Variants in BOC observed in about 807,000 individuals in gnomAD.
BOC encodes BOC cell adhesion associated, oncogene regulated, also known as brother of CDO.
Under a neutral mutation model 112.0 loss-of-function variants are expected in BOC, and 76 were observed. The ratio of observed to expected loss-of-function variants is 0.68; its 90% confidence interval spans 0.56 to 0.82. The LOEUF is 0.82. Among genes scored for constraint, BOC ranks in the 40% least tolerant of loss-of-function variants. The pLI, the probability that BOC is intolerant of heterozygous loss-of-function variation, is 0.00. For synonymous variants in BOC, 580 were observed against 599.8 expected (o/e 0.97, Z 0.48); for missense variants, 1,309 against 1,511.7 (o/e 0.87, Z 2.22).
chr3:113,247,886 C>T (rs1266102413), intron 2 of BOC, among the ~76,000 whole-genome samples: 3 of 152,214 alleles, frequency 2.0e-5, no homozygotes, highest in Non-Finnish European at 2.9e-5. Flanking sequence ...TCTACACCAA[C>T]GGGAAATTAT....
chr3:113,220,712 G>C (rs867528886), intron 2 of BOC, among the ~76,000 whole-genome samples: 1 of 152,174 alleles, frequency 6.6e-6, no homozygotes. Context: ...CATTTTGGTC[G>C]TGTTGTCAGA....
At chr3:113,220,477 C>T (rs1940396278) in intron 2 of BOC, among the ~76,000 whole-genome samples, 3 of 152,218 alleles carry the variant, frequency 2.0e-5, no homozygotes, top group Non-Finnish European at 2.9e-5. Context: ...GCTGCCTACT[C>T]GAACATTATG....
At position 113,272,977 on chromosome 3, in the gene BOC, G is replaced by A. The variant is rs1948293025; in HGVS notation, c.962-92G>A. On this transcript the variant is annotated intron_variant, in intron 7 of 19. Coordinates refer to ENST00000682979, the MANE Select transcript of BOC (RefSeq NM_001378074.1). ...AGGAAAAAGCAACAGCCAAAGGGCA[G>A]GGGAGCTGCTCCTAACTACATCCCT... The A allele has an allele frequency of 2.0e-6, 3 of 1,466,766 alleles. 1 individual carries two copies. In the Admixed American group the frequency reaches 6.1e-5, roughly 30 times the overall value. 90.9% of individuals were successfully genotyped at this position (1,466,766 alleles called of 1,614,324 possible).
chr3:113,224,570 G>A (rs964441118), intron 2 of BOC, among the ~76,000 whole-genome samples: 2 of 151,954 alleles, frequency 1.3e-5, no homozygotes, highest in Non-Finnish European at 2.9e-5. Flanking sequence ...TGGAGGGGGT[G>A]GGGGTGGGGG....
Position 113,279,290 on chromosome 3 carries a change from G to A in BOC, c.1858G>A (p.Glu620Lys), listed in dbSNP as rs766270235. Residue 620 changes from glutamate (E) to lysine (K), a missense_variant, in exon 12 of 20, where the codon GAG (glutamate) becomes AAG (lysine). Glu to Lys is a moderately conservative substitution (Grantham distance 56). Coordinates refer to ENST00000682979, the MANE Select transcript of BOC (RefSeq NM_001378074.1). ...PDRPTISTAS[E>K]TSVYVTWIPR... ...CAGGCCCACCATCTCCACGGCCTCC[G>A]AGACCTCAGTGTACGTGACCTGGAT... 5.6e-6 allele frequency: 9 copies of A among 1,613,994 alleles called. No individual in the cohort carries two copies. The highest frequency in any genetic ancestry group is 2.2e-5 in the East Asian group (1 of 44,878).
intron 2 of BOC, among the ~76,000 whole-genome samples, chr3:113,229,486 C>T (rs959683651): frequency 3.3e-5 from 5 of 152,202 alleles, no homozygotes; most frequent in Non-Finnish European, 7.3e-5. Flanking sequence ...CAGCAGCAGC[C>T]ACTATGGCTC....
At chr3:113,218,130 A>T (rs1939830537) in intron 2 of BOC, among the ~76,000 whole-genome samples, 1 of 152,188 alleles carries the variant, frequency 6.6e-6, no homozygotes, top group Non-Finnish European at 1.5e-5. Flanking sequence ...AGCACACAGG[A>T]TGGGAGCTAC....
intron 4 of BOC, among the ~76,000 whole-genome samples, chr3:113,265,404 C>T (rs1034419838): frequency 6.6e-6 from 1 of 151,780 alleles, no homozygotes; most frequent in Non-Finnish European, 1.5e-5. Context: ...GGGACTTATT[C>T]GACCATGGAG....
At position 113,286,781 on chromosome 3, in the gene BOC, C is replaced by T. The variant is rs753735134; in HGVS notation, c.3267C>T (p.Tyr1089=). 5.4e-5 allele frequency: 87 copies of T among 1,613,594 alleles called. 1 individual carries two copies. The South Asian group carries it at 7.9e-4, about 15-fold the overall frequency. The part of the protein sequence containing the change: ...DWCPQHPVGA[Y]VGQEPGMQLS... ...GTCCCCAGCACCCCGTAGGGGCCTACGTAGGACAGGAACCTGGAATGCAGC... is the reference window on the plus strand; with the variant it reads ...GTCCCCAGCACCCCGTAGGGGCCTATGTAGGACAGGAACCTGGAATGCAGC... Residue 1089 remains tyrosine, a synonymous_variant, in exon 20 of 20, where the codon TAC becomes TAT. Transcript: ENST00000682979.
At chr3:113,213,043 G>A (rs942553914) in intron 1 of BOC, among the ~76,000 whole-genome samples, 1 of 152,160 alleles carries the variant, frequency 6.6e-6, no homozygotes, top group Non-Finnish European at 1.5e-5. Context: ...TTGGGGATGG[G>A]GGTGGCAGTG....
chr3:113,260,261 T>A (rs1049297709), intron 4 of BOC, among the ~76,000 whole-genome samples: 1 of 152,190 alleles, frequency 6.6e-6, no homozygotes, highest in African/African-American at 2.4e-5. Flanking sequence ...AAATTAACAA[T>A]TTCTGAATTT....
Position 113,285,200 on chromosome 3 carries a change from G to A in BOC, c.2967-172G>A, listed in dbSNP as rs570451028. The stretch of plus-strand genomic sequence containing the variant: ...AAATGGAAATGGACTAGAATGATCA[G>A]TGGGAATGATGGTGTGGTACCTCTT... On this transcript the variant is annotated intron_variant, in intron 18 of 19. Coordinates refer to ENST00000682979, the MANE Select transcript of BOC (RefSeq NM_001378074.1). Among the ~76,000 whole-genome samples the A allele has an allele frequency of 1.4e-3, 215 of 152,374 alleles. 1 individual carries two copies. The highest frequency in any genetic ancestry group is 4.0e-3 in the Admixed American group (61 of 15,310).
chr3:113,268,924 T>C (rs1947812221), intron 5 of BOC, among the ~76,000 whole-genome samples: 1 of 152,232 alleles, frequency 6.6e-6, no homozygotes, highest in Non-Finnish European at 1.5e-5. Context: ...TTTGGTCCTG[T>C]AGGGTCCCAA....
At chr3:113,236,230 G>A (rs918736484) in intron 2 of BOC, among the ~76,000 whole-genome samples, 1 of 46,600 alleles carries the variant, frequency 2.1e-5, no homozygotes, top group Non-Finnish European at 4.3e-5. Flanking sequence ...ATACGTATAT[G>A]TGTGTGTGTG....
At chr3:113,227,734 G>GT (rs2107672684) in intron 2 of BOC, among the ~76,000 whole-genome samples, 1 of 151,718 alleles carries the variant, frequency 6.6e-6, no homozygotes, top group African/African-American at 2.4e-5. Context: ...GAAAACAAGT[G>GT]TTTTATTTTG....
chr3:113,281,263 T>C (rs936743888), intron 15 of BOC, 110 bp downstream of exon 15: 1 of 1,322,434 alleles, frequency 7.6e-7, no homozygotes, highest in African/African-American at 1.5e-5. Flanking sequence ...GGAAGACTCT[T>C]TGTTTTCCAA....
chr3:113,238,928 G>A (rs1035726106), intron 2 of BOC, among the ~76,000 whole-genome samples: 23 of 152,228 alleles, frequency 1.5e-4, no homozygotes, highest in African/African-American at 4.8e-4. Flanking sequence ...AGATGGCAAT[G>A]CAGAGGCTGA....
intron 4 of BOC, among the ~76,000 whole-genome samples, chr3:113,265,821 G>A (rs919032550): frequency 6.6e-6 from 1 of 152,226 alleles, no homozygotes; most frequent in Non-Finnish European, 1.5e-5. Flanking sequence ...CATTAAACTG[G>A]GTGTTACCCC....
At chr3:113,235,065 A>T (rs1422522393) in intron 2 of BOC, among the ~76,000 whole-genome samples, 1 of 152,180 alleles carries the variant, frequency 6.6e-6, no homozygotes, top group Non-Finnish European at 1.5e-5. Flanking sequence ...TTTGTGTAAG[A>T]CATAGGACTT....
Sources: allele counts gnomAD v4.1 joint callset (sites outside exome capture counted in the v4.1 genomes callset), GRCh38; gene constraint gnomAD v4.1.1; transcripts MANE v1.5; gene names NCBI Gene and HGNC (gene_info 2026-07-23, HGNC 2026-07-21).